Variants in COL4A1 observed in about 807,000 individuals in gnomAD.
COL4A1 encodes collagen type IV alpha 1 chain.
Under a neutral mutation model 216.6 loss-of-function variants are expected in COL4A1, and 40 were observed. That is an observed-to-expected ratio of 0.18 (90% CI 0.14 to 0.24). The LOEUF (loss-of-function observed/expected upper bound fraction) is 0.24. Among genes scored for constraint, COL4A1 ranks in the 10% least tolerant of loss-of-function variants. The pLI is 1.00. For synonymous variants in COL4A1, 839 were observed against 810.7 expected (o/e 1.03, Z -0.59); for missense variants, 1,628 against 2,196.8 (o/e 0.74, Z 5.18).
chr13:110,288,274 A>ATAATAAT (rs1420796574), intron 1 of COL4A1, among the ~76,000 whole-genome samples: 5 of 139,458 alleles, frequency 3.6e-5, no homozygotes, highest in African/African-American at 1.4e-4. Flanking sequence ...AAAAAAAAAA[A>ATAATAAT]AATAATAATA....
intron 30 of COL4A1, 44 bp from the exon 31 acceptor site, chr13:110,179,080 A>C: frequency 6.3e-7 from 1 of 1,579,180 alleles, no homozygotes; most frequent in Non-Finnish European, 8.7e-7. Flanking sequence ...GAGCAGTGGC[A>C]CGTCTCCCGG....
At chr13:110,265,466 C>G (rs1882992252) in intron 1 of COL4A1, 1 of 152,226 alleles carries the variant, frequency 6.6e-6, no homozygotes, top group East Asian at 1.9e-4. Flanking sequence ...AGGCTGTGAA[C>G]CCAGGAGAGA....
At chr13:110,265,288 C>T (rs1244101865) in intron 1 of COL4A1, 1 of 152,220 alleles carries the variant, frequency 6.6e-6, no homozygotes, top group African/African-American at 2.4e-5. Flanking sequence ...ATGCAGATTT[C>T]CTAATTCTAC....
At chr13:110,206,943 T>G (rs1431284801) in intron 13 of COL4A1, 52 bp from the exon 14 acceptor site, 1 of 1,592,674 alleles carries the variant, frequency 6.3e-7, no homozygotes, top group Non-Finnish European at 8.6e-7. Context: ...GTATCATTTG[T>G]TATATGCTGC....
intron 1 of COL4A1, among the ~76,000 whole-genome samples, chr13:110,267,545 T>C (rs1270303400): frequency 1.3e-5 from 2 of 151,672 alleles, no homozygotes; most frequent in East Asian, 3.9e-4. Flanking sequence ...GTCTCTGGAG[T>C]TTTCCTTATC....
intron 18 of COL4A1, among the ~76,000 whole-genome samples, chr13:110,203,142 G>A (rs1380511589): frequency 2.6e-5 from 4 of 152,182 alleles, no homozygotes; most frequent in South Asian, 4.2e-4. Context: ...GAACCCAGGA[G>A]GCAGAGGTTG....
chr13:110,200,899 G>C lies in COL4A1; in HGVS notation c.1085-10C>G. The C allele has an allele frequency of 6.2e-7, 1 of 1,613,982 alleles. No individual in the cohort carries two copies. Among genetic ancestry groups the C allele is most frequent in the Non-Finnish European group, 8.5e-7 (1 of 1,179,910 alleles). On this transcript the variant is annotated splice_polypyrimidine_tract_variant and intron_variant, in intron 19 of 51. Coordinates refer to ENST00000375820, the MANE Select transcript of COL4A1 (RefSeq NM_001845.6). ...GGTAGTCCTGGGAAACCTGAAAAGA[G>C]AAAGAGAGTGTTGGATCAAACAGAA... is the stretch of plus-strand genomic sequence containing the variant.
At chr13:110,267,920 T>G (rs916581323) in intron 1 of COL4A1, among the ~76,000 whole-genome samples, 5 of 152,158 alleles carry the variant, frequency 3.3e-5, no homozygotes, top group African/African-American at 1.2e-4. Context: ...GTCAGGATTT[T>G]AAACCCCATG....
At chr13:110,158,437 G>C (rs765618474) in intron 49 of COL4A1, among the ~76,000 whole-genome samples, 3 of 152,152 alleles carry the variant, frequency 2.0e-5, no homozygotes, top group Non-Finnish European at 4.4e-5. Flanking sequence ...TTCATCTAAT[G>C]AAAGGAGTTG....
intron 2 of COL4A1, among the ~76,000 whole-genome samples, chr13:110,228,050 G>A (rs771678912): frequency 2.5e-4 from 38 of 152,190 alleles, no homozygotes; most frequent in Non-Finnish European, 4.7e-4. Context: ...GGTGCCCGGT[G>A]ACAGGTGGGA....
intron 50 of COL4A1, 146 bp from the exon 51 acceptor site, chr13:110,152,652 T>A: frequency 9.5e-7 from 1 of 1,056,130 alleles, no homozygotes; most frequent in Non-Finnish European, 1.4e-6. Flanking sequence ...ACACACTCTG[T>A]GCCCAAATTA....
chr13:110,201,619 T>A, intron 18 of COL4A1, 97 bp from the exon 19 acceptor site: 2 of 1,085,410 alleles, frequency 1.8e-6, no homozygotes, highest in Non-Finnish European at 2.9e-6. Flanking sequence ...ATATTTGTTT[T>A]TATTTCAAGA....
chr13:110,161,922 A>G, intron 48 of COL4A1: 1 of 439,308 alleles, frequency 2.3e-6, no homozygotes, highest in Non-Finnish European at 4.2e-6. Context: ...AGTGCACTCC[A>G]GGAATCTTGA....
chr13:110,214,676 C>G (rs1017157836), intron 2 of COL4A1, among the ~76,000 whole-genome samples: 1 of 152,194 alleles, frequency 6.6e-6, no homozygotes, highest in Non-Finnish European at 1.5e-5. Flanking sequence ...GTTCTCTGGC[C>G]TTCAGATTCA....
chr13:110,210,934 C>T (rs1380929725), intron 8 of COL4A1, among the ~76,000 whole-genome samples: 1 of 152,178 alleles, frequency 6.6e-6, no homozygotes, highest in African/African-American at 2.4e-5. Flanking sequence ...AGTTTGCCGG[C>T]CCCCACAATC....
rs972104553 is a variant in COL4A1 at position 110,268,362 on chromosome 13, T to C, written c.85-25628A>G. On this transcript the variant is annotated intron_variant, in intron 1 of 51. Transcript: ENST00000375820. This position sits in a 1 kb window ranked among gnomAD's most constrained non-coding sequence, Gnocchi z 4.1. ...CAAAAGATGGCAGGGATTTCTTGGG[T>C]GGGGAGGGGAGGGAAAGGGAGGTGA... is the stretch of plus-strand genomic sequence containing the variant. 2.0e-5 allele frequency among the ~76,000 whole-genome samples: 3 copies of C among 148,410 alleles called. No homozygotes were observed. Among genetic ancestry groups the C allele is most frequent in the African/African-American group, 7.4e-5 (3 of 40,516 alleles).
Position 110,173,888 on chromosome 13 carries a change from G to A in COL4A1, c.3505+12C>T, listed in dbSNP as rs554087135. On this transcript the variant is annotated intron_variant, in intron 40 of 51. Transcript: ENST00000375820. The stretch of plus-strand genomic sequence containing the variant: ...TGCTGATTCTGATAGGGAATGGGGC[G>A]TTGGGCCATACCTGGTTCACCCTTC... 85 of 1,614,054 alleles carry A rather than the reference G, an allele frequency of 5.3e-5. No individual in the cohort carries two copies. Among genetic ancestry groups the A allele is most frequent in the South Asian group, 8.8e-5 (8 of 91,066 alleles).
Position 110,150,245 on chromosome 13 carries a change from C to A in COL4A1, c.*118G>T. 1.0e-6 allele frequency: 1 copy of A among 982,986 alleles called. No individual in the cohort carries two copies. The highest frequency in any genetic ancestry group is 1.6e-6 in the Non-Finnish European group (1 of 638,254). 60.9% of individuals were successfully genotyped at this position (982,986 alleles called of 1,614,324 possible). A position where few individuals can be genotyped will look rare whatever the true frequency, so the allele number is the denominator to read the frequency against. ...TAGTTACGCAAATTCCTATAAGGCACTTTACGGTTTTCATATTGGACAGTG... is the reference window on the plus strand; with the variant it reads ...TAGTTACGCAAATTCCTATAAGGCAATTTACGGTTTTCATATTGGACAGTG... On this transcript the variant is annotated 3_prime_UTR_variant, in exon 52 of 52. Coordinates refer to ENST00000375820, the MANE Select transcript of COL4A1 (RefSeq NM_001845.6).
At chr13:110,217,082 A>T (rs1880122991) in intron 2 of COL4A1, among the ~76,000 whole-genome samples, 1 of 152,268 alleles carries the variant, frequency 6.6e-6, no homozygotes, top group South Asian at 2.1e-4. Flanking sequence ...TAACGTTCTT[A>T]ATCTTTTGTC....
Sources: allele counts gnomAD v4.1 joint callset (sites outside exome capture counted in the v4.1 genomes callset), GRCh38; gene constraint gnomAD v4.1.1; non-coding constraint Gnocchi (gnomAD v3.1); transcripts MANE v1.5; gene names NCBI Gene and HGNC (gene_info 2026-07-23, HGNC 2026-07-21).